Variants in MMP26 observed in about 807,000 individuals in gnomAD.
MMP26 encodes the protein matrix metallopeptidase 26.
In MMP26, 33 loss-of-function variants were observed where a neutral mutation model predicts 31.0. That is an observed-to-expected ratio of 1.06 (90% CI 0.81 to 1.42). MMP26 has a LOEUF of 1.42. Among genes scored for constraint, MMP26 ranks in the 40% most tolerant of loss-of-function variants. The pLI is 0.00. For missense variants in MMP26, 347 were observed against 316.1 expected, an observed-to-expected ratio of 1.10 and a Z score of -0.74; for synonymous variants, 122 against 114.9, an observed-to-expected ratio of 1.06 and a Z score of -0.40.
chr11:4,763,204 G>A (rs933470581), intron 1 of MMP26, among the ~76,000 whole-genome samples: 2 of 152,126 alleles, frequency 1.3e-5, no homozygotes, highest in Non-Finnish European at 2.9e-5. Flanking sequence ...CAAAGAAGCC[G>A]TATTTATGTT....
At chr11:4,859,207 C>A (rs1482491328) in intron 2 of MMP26, among the ~76,000 whole-genome samples, 1 of 152,064 alleles carries the variant, frequency 6.6e-6, no homozygotes, top group Non-Finnish European at 1.5e-5. Flanking sequence ...GCAACAAAAG[C>A]CAAAATGGAC....
At chr11:4,845,615 G>T (rs1849856152) in intron 2 of MMP26, among the ~76,000 whole-genome samples, 3 of 152,166 alleles carry the variant, frequency 2.0e-5, no homozygotes, top group Admixed American at 1.3e-4. Flanking sequence ...AAGTTAAAAA[G>T]CTTCTGCATA....
rs140417304 is a variant in MMP26, at chr11:4,854,852, T to C, written c.-145+87511T>C. On this transcript the variant is annotated intron_variant, in intron 2 of 7. Coordinates refer to ENST00000380390, the MANE Select transcript of MMP26 (RefSeq NM_021801.5). ...GACACCTCTTACAGCTGGTTGCCCC[T>C]CTGAGACGAAGCTTCCAGAGGAAGG... is the stretch of plus-strand genomic sequence containing the variant. Among the ~76,000 whole-genome samples the C allele has an allele frequency of 9.1e-3, 1,383 of 152,240 alleles. 30 individuals carry two copies. Among genetic ancestry groups the C allele is most frequent in the African/African-American group, 0.029 (1,225 of 41,538 alleles).
At chr11:4,811,037 AG>A (rs1218454597) in intron 2 of MMP26, among the ~76,000 whole-genome samples, 1 of 152,188 alleles carries the variant, frequency 6.6e-6, no homozygotes, top group Admixed American at 6.5e-5. Context: ...AAGGTCACAA[AG>A]GTCATCATTT....
chr11:4,733,261 G>A (rs1267754460), intron 1 of MMP26, among the ~76,000 whole-genome samples: 19 of 152,160 alleles, frequency 1.2e-4, no homozygotes, highest in African/African-American at 4.6e-4. Flanking sequence ...CCATCTTAGC[G>A]AGATTAAGTC....
At chr11:4,817,243 G>A (rs1158813622) in intron 2 of MMP26, among the ~76,000 whole-genome samples, 2 of 152,138 alleles carry the variant, frequency 1.3e-5, no homozygotes, top group Admixed American at 6.5e-5. Flanking sequence ...GAAGGGAAGT[G>A]TAAGGGCATT....
At chr11:4,908,196 C>A (rs1477283810) in intron 2 of MMP26, 12 of 1,614,188 alleles carry the variant, frequency 7.4e-6, no homozygotes, top group Non-Finnish European at 1.0e-5. Flanking sequence ...ATCCTTATTG[C>A]AGATATGTTC....
At chr11:4,958,735 G>C (rs964164850) in intron 2 of MMP26, among the ~76,000 whole-genome samples, 1 of 151,948 alleles carries the variant, frequency 6.6e-6, no homozygotes, top group Non-Finnish European at 1.5e-5. Context: ...CTGTAGTTAC[G>C]CCTCTTGAGC....
intron 2 of MMP26, among the ~76,000 whole-genome samples, chr11:4,801,792 G>T (rs768257784): frequency 6.6e-6 from 1 of 151,836 alleles, no homozygotes; most frequent in Non-Finnish European, 1.5e-5. Flanking sequence ...CGCCTGCCTC[G>T]GCTCCCGAAG....
intron 2 of MMP26, among the ~76,000 whole-genome samples, chr11:4,985,142 A>G (rs910865225): frequency 6.6e-6 from 1 of 150,954 alleles, no homozygotes; most frequent in Non-Finnish European, 1.5e-5. Context: ...GATAAGCAGC[A>G]TGCCTCATTT....
At chr11:4,755,634 G>A (rs576609981) in intron 1 of MMP26, among the ~76,000 whole-genome samples, 1 of 152,014 alleles carries the variant, frequency 6.6e-6, no homozygotes, top group African/African-American at 2.4e-5. Flanking sequence ...CACATTTTGG[G>A]AATTTAGGTT....
At chr11:4,777,616 A>G (rs532754254) in intron 2 of MMP26, among the ~76,000 whole-genome samples, 1 of 152,144 alleles carries the variant, frequency 6.6e-6, no homozygotes, top group African/African-American at 2.4e-5. Flanking sequence ...AGATATTTCA[A>G]CCATTATTCC....
chr11:4,849,026 G>T (rs765491390), intron 2 of MMP26: 3 of 1,614,072 alleles, frequency 1.9e-6, no homozygotes, highest in Non-Finnish European at 8.5e-7. Context: ...GGTGCAGGGC[G>T]GGCTGCAGGG....
intron 2 of MMP26, among the ~76,000 whole-genome samples, chr11:4,835,203 G>GACACACACACACAC (rs3064937): frequency 0.038 from 5,452 of 143,176 alleles, 142 homozygotes; most frequent in South Asian, 0.068. Flanking sequence ...CTCTCTTTCT[G>GACACACACACACAC]ACACACACAC....
At position 4,732,965 on chromosome 11, in the gene MMP26, C is replaced by T. The variant is rs931033899; in HGVS notation, c.-217+27920C>T. 2.6e-5 allele frequency among the ~76,000 whole-genome samples: 4 copies of T among 152,278 alleles called. No individual in the cohort carries two copies. In the East Asian group the frequency reaches 5.8e-4, roughly 22 times the overall value. On this transcript the variant is annotated intron_variant, in intron 1 of 7. Coordinates refer to ENST00000380390, the MANE Select transcript of MMP26 (RefSeq NM_021801.5). ...TGGTTAAAAATTAGCTGACAGGACACGTGAGTGTATATTTCTGGACTCTCA... is the reference window on the plus strand; with the variant it reads ...TGGTTAAAAATTAGCTGACAGGACATGTGAGTGTATATTTCTGGACTCTCA...
chr11:4,886,292 G>A (rs561478713), intron 2 of MMP26, among the ~76,000 whole-genome samples: 2 of 152,140 alleles, frequency 1.3e-5, no homozygotes, highest in Non-Finnish European at 2.9e-5. Context: ...CATACTGCCT[G>A]GGCTGAGATT....
At chr11:4,721,798 G>T (rs1455651715) in intron 1 of MMP26, among the ~76,000 whole-genome samples, 1 of 152,106 alleles carries the variant, frequency 6.6e-6, no homozygotes, top group Non-Finnish European at 1.5e-5. Flanking sequence ...CTTGGGGTTG[G>T]GTTCACAAAA....
intron 2 of MMP26, among the ~76,000 whole-genome samples, chr11:4,928,848 T>C (rs1212785384): frequency 6.6e-6 from 1 of 152,144 alleles, no homozygotes; most frequent in African/African-American, 2.4e-5. Context: ...CTCTCTTTTC[T>C]TGACCATTTG....
chr11:4,943,487 T>A (rs191744569), intron 2 of MMP26: 27 of 456,088 alleles, frequency 5.9e-5, no homozygotes, highest in Admixed American at 4.5e-4. Context: ...TAGACTAAGG[T>A]TTTTTTAATG....
Sources: allele counts gnomAD v4.1 joint callset (sites outside exome capture counted in the v4.1 genomes callset), GRCh38; gene constraint gnomAD v4.1.1; transcripts MANE v1.5; gene names NCBI Gene and HGNC (gene_info 2026-07-23, HGNC 2026-07-21).